CCDC93: variants seen among roughly 807,000 people sequenced by gnomAD.
CCDC93 encodes the protein CCC complex scaffolding subunit CCDC93, also known as coiled-coil domain-containing protein 93.
Under a neutral mutation model 108.2 loss-of-function variants are expected in CCDC93, and 61 were observed. The ratio of observed to expected loss-of-function variants is 0.56; its 90% CI spans 0.46 to 0.70. The LOEUF (loss-of-function observed/expected upper bound fraction) is 0.70, where lower values mean the gene tolerates loss of function less well. Ranked by LOEUF, CCDC93 falls within the 30% of genes least tolerant of loss-of-function variation. CCDC93 has a pLI of 0.00. For missense variants in CCDC93, 685 were observed against 764.2 expected, an observed-to-expected ratio of 0.90 and a Z score of 1.22; for synonymous variants, 276 against 260.4, an observed-to-expected ratio of 1.06 and a Z score of -0.58.
intron 8 of CCDC93, among the ~76,000 whole-genome samples, chr2:117,977,678 G>A (rs1184487471): frequency 6.6e-6 from 1 of 152,202 alleles, no homozygotes; most frequent in Non-Finnish European, 1.5e-5. Context: ...CACCTCAGAT[G>A]AGGAGTGCTC....
chr2:117,938,555 GAA>G (rs36126432), intron 20 of CCDC93, among the ~76,000 whole-genome samples: 9,245 of 138,156 alleles, frequency 0.067, 363 homozygotes, highest in Non-Finnish European at 0.089. Flanking sequence ...AAAAAGACAA[GAA>G]AAAAAAAAAA....
chr2:117,946,926 A>T, intron 15 of CCDC93, 44 bp from the exon 16 acceptor site: 1 of 1,318,728 alleles, frequency 7.6e-7, no homozygotes, highest in Non-Finnish European at 1.1e-6. Context: ...GACAAGGAGT[A>T]ATTAGACGCA....
At chr2:117,961,346 T>C (rs1247203369) in intron 11 of CCDC93, among the ~76,000 whole-genome samples, 4 of 152,210 alleles carry the variant, frequency 2.6e-5, no homozygotes, top group Non-Finnish European at 4.4e-5. Flanking sequence ...TATTGGTAGG[T>C]AATAATTCTT....
Position 117,974,860 on chromosome 2 carries a change from G to T in CCDC93, c.791C>A (p.Ala264Glu). ...QSLMTKMTAM[A>E]NEESRLTASS... is the part of the protein sequence containing the mutation. ...CCGACTCCCACTCACCTCCTCATTT[G>T]CCATAGCGGTCATCTTGGTCATCAG... The change falls in exon 10 of 24, where the codon GCA becomes GAA. Residue 264 changes from alanine to glutamate, a missense_variant. Ala to Glu is a moderately radical substitution (Grantham distance 107, BLOSUM62 -1). Transcript: ENST00000376300. The T allele has an allele frequency of 1.3e-6, 2 of 1,571,784 alleles. No homozygotes were observed. Among genetic ancestry groups the T allele is most frequent in the South Asian group, 2.3e-5 (2 of 85,342 alleles).
Position 117,918,002 on chromosome 2 carries a change from C to CTTTTAACTCT in CCDC93, c.*2340_*2341insAGAGTTAAAA, listed in dbSNP as rs1558761319. ...GGATGTTCTTGCTTCCTTTTAACTCCGGAGAAGCCTGTGGGCTTAGAGCAC... is the reference window on the plus strand; with the variant it reads ...GGATGTTCTTGCTTCCTTTTAACTCCTTTTAACTCTGGAGAAGCCTGTGGGCTTAGAGCAC... On this transcript the variant is annotated 3_prime_UTR_variant, in exon 24 of 24. Coordinates refer to ENST00000376300, the MANE Select transcript of CCDC93 (RefSeq NM_019044.5). The CTTTTAACTCT allele has an allele frequency of 1.3e-5, 2 of 152,050 alleles. No individual in the cohort carries two copies. Among genetic ancestry groups the CTTTTAACTCT allele is most frequent in the Non-Finnish European group, 1.5e-5 (1 of 68,018 alleles). 9.4% of individuals were successfully genotyped at this position (152,050 alleles called of 1,614,324 possible). A position where few individuals can be genotyped will look rare whatever the true frequency, so the allele number is the denominator to read the frequency against.
At chr2:117,988,231 C>A (rs952865460) in intron 6 of CCDC93, among the ~76,000 whole-genome samples, 6 of 152,090 alleles carry the variant, frequency 3.9e-5, no homozygotes, top group African/African-American at 1.2e-4. Context: ...AGAACTCTTA[C>A]ACTGTGAGAG....
chr2:117,975,197 T>C lies in CCDC93; in HGVS notation c.741A>G (p.Ala247=), dbSNP rs768238854. ...TACATGGACCACACACCTCTTCAGC[T>C]GCTCGAAGCTCATCTTCCTCGTGGG... ...ADAHEEDELR[A]AEEQRIQSLM... Residue 247 remains alanine (A), a synonymous_variant, in exon 9 of 24, where the codon GCA becomes GCG. Transcript: ENST00000376300. 8.1e-6 allele frequency: 13 copies of C among 1,613,580 alleles called. No homozygotes were observed. The African/African-American group carries it at 1.6e-4, about 20-fold the overall frequency.
At chr2:117,941,413 G>A (rs1249884816) in intron 18 of CCDC93, 116 bp from the exon 19 acceptor site, 1 of 722,796 alleles carries the variant, frequency 1.4e-6, no homozygotes, top group East Asian at 2.7e-5. Context: ...GCCCTACAAT[G>A]CAGGCACAAA....
chr2:118,010,199 C>G (rs962480701), intron 1 of CCDC93, among the ~76,000 whole-genome samples: 1 of 152,176 alleles, frequency 6.6e-6, no homozygotes, highest in Non-Finnish European at 1.5e-5. Flanking sequence ...TCATGATCCA[C>G]CCGCCTCAGC....
At chr2:118,006,399 T>C (rs985523554) in intron 3 of CCDC93, among the ~76,000 whole-genome samples, 1 of 152,110 alleles carries the variant, frequency 6.6e-6, no homozygotes, top group Non-Finnish European at 1.5e-5. Context: ...CATGCTGCTT[T>C]CTCTCGAAGA....
rs1677760693 is a variant in CCDC93, at chr2:117,918,552, C to A, written c.*1791G>T. 6.6e-6 allele frequency: 1 copy of A among 152,252 alleles called. No individual in the cohort carries two copies. The allele number at this position is 152,252 out of a possible 1,614,324, so 9.4% of individuals were successfully genotyped here. A position where few individuals can be genotyped will look rare whatever the true frequency, so the allele number is the denominator to read the frequency against. ...ACAAATATTCAAATAACTGCCCCAA[C>A]TGCTCACAAAGTTCAGTTAGCCAGG... is the stretch of plus-strand genomic sequence containing the variant. On this transcript the variant is annotated 3_prime_UTR_variant, in exon 24 of 24. Coordinates refer to ENST00000376300, the MANE Select transcript of CCDC93 (RefSeq NM_019044.5).
At chr2:117,982,559 C>A (rs1441295104) in intron 7 of CCDC93, among the ~76,000 whole-genome samples, 1 of 152,118 alleles carries the variant, frequency 6.6e-6, no homozygotes, top group Non-Finnish European at 1.5e-5. Flanking sequence ...AGATGGAATG[C>A]GGACCTAAAA....
At chr2:117,959,161 C>T (rs1003349505) in intron 11 of CCDC93, among the ~76,000 whole-genome samples, 2 of 152,148 alleles carry the variant, frequency 1.3e-5, no homozygotes, top group African/African-American at 4.8e-5. Flanking sequence ...ATAACATTTT[C>T]CAGGAGGGCA....
intron 7 of CCDC93, among the ~76,000 whole-genome samples, chr2:117,985,070 G>C (rs970959173): frequency 6.6e-6 from 1 of 151,456 alleles, no homozygotes; most frequent in African/African-American, 2.4e-5. Flanking sequence ...ATCACACGCA[G>C]CCTAGGGCCA....
chr2:117,971,422 TA>T (rs1679758126), intron 11 of CCDC93, among the ~76,000 whole-genome samples: 1 of 151,376 alleles, frequency 6.6e-6, no homozygotes. Context: ...TAAAAATAAA[TA>T]AACAAACGGG....
intron 4 of CCDC93, chr2:117,998,422 T>G (rs1321099125): frequency 6.6e-6 from 1 of 152,104 alleles, no homozygotes; most frequent in Non-Finnish European, 1.5e-5. Flanking sequence ...TTTTTTTGAG[T>G]TTGAGAATTA....
chr2:118,003,143 T>C (rs1235310044), intron 3 of CCDC93, among the ~76,000 whole-genome samples: 1 of 152,234 alleles, frequency 6.6e-6, no homozygotes, highest in African/African-American at 2.4e-5. Flanking sequence ...TTGGGACACA[T>C]GCATCTTTTC....
At chr2:117,979,664 G>C (rs1267162258) in intron 7 of CCDC93, among the ~76,000 whole-genome samples, 1 of 152,164 alleles carries the variant, frequency 6.6e-6, no homozygotes, top group East Asian at 1.9e-4. Flanking sequence ...AAACCAAAAA[G>C]TCACTGCTGG....
intron 13 of CCDC93, chr2:117,950,402 C>G (rs1679015168): frequency 1.0e-6 from 1 of 985,290 alleles, no homozygotes; most frequent in East Asian, 1.1e-4. Context: ...AGAGTTGTGA[C>G]TGCTGAAGTT....
Sources: allele counts gnomAD v4.1 joint callset (sites outside exome capture counted in the v4.1 genomes callset), GRCh38; gene constraint gnomAD v4.1.1; transcripts MANE v1.5; gene names NCBI Gene and HGNC (gene_info 2026-07-23, HGNC 2026-07-21).